Variants in TSPYL5 observed in about 807,000 individuals in gnomAD.
TSPYL5 encodes testis-specific Y-encoded-like protein 5.
For missense variants in TSPYL5, 556 were observed against 555.5 expected, an observed-to-expected ratio of 1.00 and a Z score of -0.01; for synonymous variants, 276 against 236.1, an observed-to-expected ratio of 1.17 and a Z score of -1.55.
rs553993458 is a variant in TSPYL5, at chr8:97,273,845, T to C, written c.*2746A>G. On this transcript the variant is annotated 3_prime_UTR_variant, in exon 1 of 1. Coordinates refer to ENST00000322128, the MANE Select transcript of TSPYL5 (RefSeq NM_033512.3). ...ACAGAACAGTCTCTCTCTTGTTTTG[T>C]AGATGCAAGGGAAAGGAAGCATCCC... The C allele has an allele frequency of 5.3e-5, 8 of 152,334 alleles. 1 individual carries two copies. The South Asian group carries it at 1.7e-3, about 32-fold the overall frequency. 9.4% of individuals were successfully genotyped at this position (152,334 alleles called of 1,614,324 possible).
At position 97,276,449 on chromosome 8, in the gene TSPYL5, T is replaced by A; in HGVS notation, c.*142A>T. On this transcript the variant is annotated 3_prime_UTR_variant, in exon 1 of 1. Transcript: ENST00000322128. The stretch of plus-strand genomic sequence containing the variant: ...AGAGGCTATGGGAGGCAAAAGAACA[T>A]GATCATAAATGCCATATTCTTGTAA... The A allele has an allele frequency of 9.0e-7, 1 of 1,105,464 alleles. No homozygotes were observed. The highest frequency in any genetic ancestry group is 1.3e-6 in the Non-Finnish European group (1 of 763,204). 68.5% of individuals were successfully genotyped at this position (1,105,464 alleles called of 1,614,324 possible).
chr8:97,277,752 G>A lies in TSPYL5; in HGVS notation c.93C>T (p.Asp31=), dbSNP rs747775793. The A allele has an allele frequency of 6.5e-6, 10 of 1,542,688 alleles. No homozygotes were observed. The Admixed American group carries it at 7.8e-5, about 12-fold the overall frequency. The change falls in exon 1 of 1, where the codon GAC becomes GAT. Residue 31 remains aspartate, a synonymous_variant. Coordinates refer to ENST00000322128, the MANE Select transcript of TSPYL5 (RefSeq NM_033512.3). The surrounding 1 kb of genome is among the most constrained non-coding windows in gnomAD (Gnocchi z 4.5). ...AKARVRPAPD[D]APRDPDPSQY... ...GTGAAGGGTCCGGGTCGCGCGGGGC[G>A]TCGTCCGGAGCAGGGCGGACTCGGG...
At position 97,277,768 on chromosome 8, in the gene TSPYL5, C is replaced by T. The variant is rs1385332290; in HGVS notation, c.77G>A (p.Arg26His). ...GCGCGGGGCGTCGTCCGGAGCAGGG[C>T]GGACTCGGGCTTTGGCGCGGCCTTT... Reference protein sequence around the residue: ...RGKGRAKARVRPAPDDAPRDP... With the variant: ...RGKGRAKARVHPAPDDAPRDP... The change falls in exon 1 of 1, where the codon CGC becomes CAC. Residue 26 changes from arginine to histidine, a missense_variant. By Grantham distance (29) the Arg-to-His change is conservative. Coordinates refer to ENST00000322128, the MANE Select transcript of TSPYL5 (RefSeq NM_033512.3). This position sits in a 1 kb window ranked among gnomAD's most constrained non-coding sequence, Gnocchi z 4.5. 1 of 1,523,820 alleles carries T rather than the reference C, an allele frequency of 6.6e-7. No homozygotes were observed. The highest frequency in any genetic ancestry group is 1.4e-5 in the African/African-American group (1 of 69,532). 94.4% of individuals were successfully genotyped at this position (1,523,820 alleles called of 1,614,324 possible). A position where few individuals can be genotyped will look rare whatever the true frequency, so the allele number is the denominator to read the frequency against.
rs879072943 is a variant in TSPYL5 at position 97,275,420 on chromosome 8, G to C, written c.*1171C>G. The C allele has an allele frequency of 1.3e-5, 2 of 152,262 alleles. No individual in the cohort carries two copies. Among genetic ancestry groups the C allele is most frequent in the African/African-American group, 4.8e-5 (2 of 41,400 alleles). The allele number at this position is 152,262 out of a possible 1,614,324, so 9.4% of individuals were successfully genotyped here. A position where few individuals can be genotyped will look rare whatever the true frequency, so the allele number is the denominator to read the frequency against. ...GGAGGAAAGGAGGCTACCAGGAAAG[G>C]GAGGGAGGAAAGAAGAATGAGAGGG... On this transcript the variant is annotated 3_prime_UTR_variant, in exon 1 of 1. Transcript: ENST00000322128.
In TSPYL5 at chr8:97,273,883, T is replaced by C. The variant is rs1586068394; in HGVS notation, c.*2708A>G. On this transcript the variant is annotated 3_prime_UTR_variant, in exon 1 of 1. Coordinates refer to ENST00000322128, the MANE Select transcript of TSPYL5 (RefSeq NM_033512.3). ...AAGGAAGCATCCCTCTCATTTCTTTTTGAGACTCCTTGTTAATTCTTAAAA... is the reference window on the plus strand; with the variant it reads ...AAGGAAGCATCCCTCTCATTTCTTTCTGAGACTCCTTGTTAATTCTTAAAA... 6.6e-6 allele frequency: 1 copy of C among 152,370 alleles called. No homozygotes were observed. Among genetic ancestry groups the C allele is most frequent in the East Asian group, 1.9e-4 (1 of 5,192 alleles). 9.4% of individuals were successfully genotyped at this position (152,370 alleles called of 1,614,324 possible).
In TSPYL5 at chr8:97,277,185, G is replaced by A. The variant is rs753845001; in HGVS notation, c.660C>T (p.Asp220=). The change falls in exon 1 of 1, where the codon GAC becomes GAT. Residue 220 remains aspartate, a synonymous_variant. Transcript: ENST00000322128. The surrounding 1 kb of genome is among the most constrained non-coding windows in gnomAD (Gnocchi z 4.5). ...LKLENMNAQA[D]RAYLRLSRKF... ...TCCTGGAGAGCCGAAGGTAGGCCCT[G>A]TCCGCCTGGGCGTTCATGTTCTCCA... 18 of 1,612,280 alleles carry A rather than the reference G, an allele frequency of 1.1e-5. No individual in the cohort carries two copies. The Middle Eastern group carries it at 4.9e-4, about 44-fold the overall frequency.
chr8:97,276,480 G>A lies in TSPYL5; in HGVS notation c.*111C>T, dbSNP rs1810516734. 1 of 1,339,470 alleles carries A rather than the reference G, an allele frequency of 7.5e-7. No homozygotes were observed. Among genetic ancestry groups the A allele is most frequent in the South Asian group, 1.4e-5 (1 of 70,178 alleles). 83.0% of individuals were successfully genotyped at this position (1,339,470 alleles called of 1,614,324 possible). The stretch of plus-strand genomic sequence containing the variant: ...TAAATGCCATATTCTTGTAACTAAA[G>A]TCCAAAGGGTCTATAGTACACAGAG... On this transcript the variant is annotated 3_prime_UTR_variant, in exon 1 of 1. Transcript: ENST00000322128.
chr8:97,275,477 A>G lies in TSPYL5; in HGVS notation c.*1114T>C, dbSNP rs1410616599. ...TGAGGGATGAAGGCAGGCAAGCAAA[A>G]TAAGAAGTATAAGTGACCTGAAGTC... On this transcript the variant is annotated 3_prime_UTR_variant, in exon 1 of 1. Transcript: ENST00000322128. The G allele has an allele frequency of 6.6e-6, 1 of 152,216 alleles. No individual in the cohort carries two copies. Among genetic ancestry groups the G allele is most frequent in the East Asian group, 1.9e-4 (1 of 5,164 alleles). The allele number at this position is 152,216 out of a possible 1,614,324, so 9.4% of individuals were successfully genotyped here. A position where few individuals can be genotyped will look rare whatever the true frequency, so the allele number is the denominator to read the frequency against.
In TSPYL5 at chr8:97,277,319, T is replaced by C; in HGVS notation, c.526A>G (p.Asn176Asp). The C allele has an allele frequency of 6.2e-7, 1 of 1,611,286 alleles. No individual in the cohort carries two copies. The highest frequency in any genetic ancestry group is 8.5e-7 in the Non-Finnish European group (1 of 1,178,474). Residue 176 changes from asparagine (N) to aspartate (D), a missense_variant, in exon 1 of 1, where the codon AAT (asparagine) becomes GAT (aspartate). Physicochemically the swap from Asn to Asp is conservative, Grantham distance 23. Transcript: ENST00000322128. This position sits in a 1 kb window ranked among gnomAD's most constrained non-coding sequence, Gnocchi z 4.5. Reference sequence around the variant, plus strand: ...TCCTCCCCAGCTGACACCGAGGTATTCTCCCCTGCCGCCCCTTTCTTCTGC... The same window carrying C: ...TCCTCCCCAGCTGACACCGAGGTATCCTCCCCTGCCGCCCCTTTCTTCTGC... ...GRQKKGAAGE[N>D]TSVSAGEEKK... is the part of the protein sequence containing the mutation.
rs1270262420 is a variant in TSPYL5, at chr8:97,273,558, A to G, written c.*3033T>C. On this transcript the variant is annotated 3_prime_UTR_variant, in exon 1 of 1. Transcript: ENST00000322128. ...ACAACTATTTATACTGTTTAAGAAC[A>G]CAGAAATAATTGCGTTATTAACAGG... is the stretch of plus-strand genomic sequence containing the variant. The G allele has an allele frequency of 6.6e-6, 1 of 152,670 alleles. No homozygotes were observed. Among genetic ancestry groups the G allele is most frequent in the Admixed American group, 6.5e-5 (1 of 15,286 alleles). The allele number at this position is 152,670 out of a possible 1,614,324, so 9.5% of individuals were successfully genotyped here.
Position 97,276,539 on chromosome 8 carries a change from G to A in TSPYL5, c.*52C>T. 6.4e-7 allele frequency: 1 copy of A among 1,568,402 alleles called. No homozygotes were observed. The highest frequency in any genetic ancestry group is 1.9e-5 in the Admixed American group (1 of 53,484). On this transcript the variant is annotated 3_prime_UTR_variant, in exon 1 of 1. Coordinates refer to ENST00000322128, the MANE Select transcript of TSPYL5 (RefSeq NM_033512.3). Reference sequence around the variant, plus strand: ...GAAGAGAAGGCAGAGAGCCAAATATGTAGTCAACCAGGAGCAGCCCAGCAG... The same window carrying A: ...GAAGAGAAGGCAGAGAGCCAAATATATAGTCAACCAGGAGCAGCCCAGCAG...
rs114051997 is a variant in TSPYL5, at chr8:97,276,352, A to G, written c.*239T>C. On this transcript the variant is annotated 3_prime_UTR_variant, in exon 1 of 1. Transcript: ENST00000322128. ...TGTAGATAACAGGGAGCACACATCT[A>G]AAGTATGTGTGCTTAACATATGAAC... The G allele has an allele frequency of 5.0e-5, 26 of 522,650 alleles. No individual in the cohort carries two copies. The highest frequency in any genetic ancestry group is 5.1e-4 in the Middle Eastern group (1 of 1,980). The allele number at this position is 522,650 out of a possible 1,614,324, so 32.4% of individuals were successfully genotyped here. A position where few individuals can be genotyped will look rare whatever the true frequency, so the allele number is the denominator to read the frequency against.
chr8:97,273,490 A>G lies in TSPYL5; in HGVS notation c.*3101T>C, dbSNP rs1014554327. 8 of 152,582 alleles carry G rather than the reference A, an allele frequency of 5.2e-5. No homozygotes were observed. The highest frequency in any genetic ancestry group is 5.2e-4 in the Admixed American group (8 of 15,300). The allele number at this position is 152,582 out of a possible 1,614,324, so 9.5% of individuals were successfully genotyped here. A position where few individuals can be genotyped will look rare whatever the true frequency, so the allele number is the denominator to read the frequency against. On this transcript the variant is annotated 3_prime_UTR_variant, in exon 1 of 1. Transcript: ENST00000322128. Reference sequence around the variant, plus strand: ...TTCTTTTTTGAAAATCAGAAATATAACAGAGATACAGGTTTTTATTTTTCC... The same window carrying G: ...TTCTTTTTTGAAAATCAGAAATATAGCAGAGATACAGGTTTTTATTTTTCC...
At position 97,276,670 on chromosome 8, in the gene TSPYL5, C is replaced by T; in HGVS notation, c.1175G>A (p.Gly392Glu). The change falls in exon 1 of 1, where the codon GGA becomes GAA. Residue 392 changes from glycine to glutamate, a missense_variant. Coordinates refer to ENST00000322128, the MANE Select transcript of TSPYL5 (RefSeq NM_033512.3). ...ACCTTGCCTGCCTTCTTTTTCCTTT[C>T]CTTTCTCTACACGAGCCCCTTCACT... Reference protein sequence around the residue: ...LLSEGARVEKGKEKEGRQGPG... With the variant: ...LLSEGARVEKEKEKEGRQGPG... 6.2e-7 allele frequency: 1 copy of T among 1,614,128 alleles called. No individual in the cohort carries two copies. The highest frequency in any genetic ancestry group is 8.5e-7 in the Non-Finnish European group (1 of 1,180,030).
Position 97,277,031 on chromosome 8 carries a change from C to G in TSPYL5, c.814G>C (p.Glu272Gln), listed in dbSNP as rs771724496. The G allele has an allele frequency of 1.9e-6, 3 of 1,614,092 alleles. No homozygotes were observed. The highest frequency in any genetic ancestry group is 2.7e-5 in the African/African-American group (2 of 74,932). The stretch of plus-strand genomic sequence containing the variant: ...AAGCTGTTTAAGTAGCTCAGTACCT[C>G]TTTCTCTTGGCTATTCAGAAAGGAT... ...LASFLNSQEK[E>Q]VLSYLNSLEV... Residue 272 changes from glutamate to glutamine, a missense_variant, in exon 1 of 1, where the codon GAG (glutamate) becomes CAG (glutamine). Coordinates refer to ENST00000322128, the MANE Select transcript of TSPYL5 (RefSeq NM_033512.3). This position sits in a 1 kb window ranked among gnomAD's most constrained non-coding sequence, Gnocchi z 4.5.
rs1040230820 is a variant in TSPYL5, at chr8:97,275,478, TAAG to T, written c.*1110_*1112del. ...GAGGGATGAAGGCAGGCAAGCAAAA[TAAG>T]AAGTATAAGTGACCTGAAGTCAAGC... On this transcript the variant is annotated 3_prime_UTR_variant, in exon 1 of 1. Transcript: ENST00000322128. 3 of 151,492 alleles carry T rather than the reference TAAG, an allele frequency of 2.0e-5. No individual in the cohort carries two copies. Among genetic ancestry groups the T allele is most frequent in the East Asian group, 1.9e-4 (1 of 5,146 alleles). The allele number at this position is 151,492 out of a possible 1,614,324, so 9.4% of individuals were successfully genotyped here.
At position 97,277,515 on chromosome 8, in the gene TSPYL5, TGCGGCCTTCCCCGGGCCGGGCCTGGCC is replaced by T. The variant is rs1352096780; in HGVS notation, c.303_329del (p.Ala102_Ala110del). Reference sequence around the variant, plus strand: ...CTGCGGCCAGGCGCTCCGAGAGAGATGCGGCCTTCCCCGGGCCGGGCCTGGCCGCGGCCTGCCCGTGGTCCCCCGCAG... The same window carrying T: ...CTGCGGCCAGGCGCTCCGAGAGAGATGCGGCCTGCCCGTGGTCCCCCGCAG... On this transcript the variant is annotated inframe_deletion, in exon 1 of 1. Coordinates refer to ENST00000322128, the MANE Select transcript of TSPYL5 (RefSeq NM_033512.3). The surrounding 1 kb of genome is among the most constrained non-coding windows in gnomAD (Gnocchi z 4.5). The T allele has an allele frequency of 6.6e-7, 1 of 1,518,382 alleles. No individual in the cohort carries two copies. Among genetic ancestry groups the T allele is most frequent in the Admixed American group, 2.3e-5 (1 of 43,216 alleles). 94.1% of individuals were successfully genotyped at this position (1,518,382 alleles called of 1,614,324 possible).
chr8:97,277,667 C>T lies in TSPYL5; in HGVS notation c.178G>A (p.Gly60Ser), dbSNP rs1170352064. 2.0e-6 allele frequency: 3 copies of T among 1,485,740 alleles called. No individual in the cohort carries two copies. The highest frequency in any genetic ancestry group is 5.0e-5 in the Admixed American group (2 of 40,140). The allele number at this position is 1,485,740 out of a possible 1,614,324, so 92.0% of individuals were successfully genotyped here. A position where few individuals can be genotyped will look rare whatever the true frequency, so the allele number is the denominator to read the frequency against. ...GCGGACGCAGCGGCTTCCAGGCCACCCCACCCCGCGCCAGCCTGCACCTGT... is the reference window on the plus strand; with the variant it reads ...GCGGACGCAGCGGCTTCCAGGCCACTCCACCCCGCGCCAGCCTGCACCTGT... ...AAQVQAGAGW[G>S]GLEAAASAQL... is the part of the protein sequence containing the mutation. The change falls in exon 1 of 1, where the codon GGT (glycine) becomes AGT (serine). Residue 60 changes from glycine (G) to serine (S), a missense_variant. Transcript: ENST00000322128. The surrounding 1 kb of genome is among the most constrained non-coding windows in gnomAD (Gnocchi z 4.5).
In TSPYL5 at chr8:97,275,797, T is replaced by C. The variant is rs1387867214; in HGVS notation, c.*794A>G. On this transcript the variant is annotated 3_prime_UTR_variant, in exon 1 of 1. Coordinates refer to ENST00000322128, the MANE Select transcript of TSPYL5 (RefSeq NM_033512.3). ...GTCCACAGGCAGTTCTTGAGGTCCT[T>C]GTTGACCAGGAAGCCAACTGGGGCT... 1.3e-5 allele frequency: 2 copies of C among 152,272 alleles called. No homozygotes were observed. Among genetic ancestry groups the C allele is most frequent in the Non-Finnish European group, 2.9e-5 (2 of 68,132 alleles). The allele number at this position is 152,272 out of a possible 1,614,324, so 9.4% of individuals were successfully genotyped here.
Sources: gnomAD v4.1 joint callset for allele counts on GRCh38, gnomAD v4.1.1 for gene constraint, Gnocchi (gnomAD v3.1) non-coding constraint, MANE v1.5 for transcripts, NCBI Gene and HGNC (gene_info 2026-07-23, HGNC 2026-07-21) for gene names.